VPS13B: variants seen among roughly 807,000 people sequenced by gnomAD.
The protein encoded by VPS13B is intermembrane lipid transfer protein VPS13B.
A neutral mutation model predicts 426.4 loss-of-function variants in VPS13B; 285 were observed. The ratio of observed to expected loss-of-function variants is 0.67; its 90% CI spans 0.61 to 0.74. The LOEUF is 0.74. VPS13B is among the 30% of genes least tolerant of loss of function. The pLI, the probability that VPS13B is intolerant of heterozygous loss-of-function variation, is 0.00. For missense variants in VPS13B, 4,537 were observed against 4,782.6 expected (o/e 0.95, Z 1.51); for synonymous variants, 1,676 against 1,676.4 (o/e 1.00, Z 0.01).
rs2133334366 is a variant in VPS13B, at chr8:99,400,745, A to C, written c.3082+9041A>C. 1.3e-5 allele frequency among the ~76,000 whole-genome samples: 2 copies of C among 152,272 alleles called. 1 individual carries two copies. Among genetic ancestry groups the C allele is most frequent in the South Asian group, 4.1e-4 (2 of 4,828 alleles). On this transcript the variant is annotated intron_variant, in intron 21 of 61. Transcript: ENST00000357162. ...GGAGTGCAGTGCGCAATCTCAGCTC[A>C]CTACAACCTCCACATCCCGAGTTCA...
intron 40 of VPS13B, among the ~76,000 whole-genome samples, chr8:99,774,048 TAGGTAAA>T: frequency 6.6e-6 from 1 of 152,234 alleles, no homozygotes; most frequent in East Asian, 1.9e-4. Context: ...TTTTAATCCT[TAGGTAAA>T]AGGTAAACAC....
At chr8:99,740,532 A>G (rs558385185) in intron 39 of VPS13B, among the ~76,000 whole-genome samples, 63 of 152,364 alleles carry the variant, frequency 4.1e-4, no homozygotes, top group Non-Finnish European at 8.4e-4. Context: ...CAGATTCACC[A>G]AAGTTGAAAC....
At chr8:99,629,298 A>G (rs1260241485) in intron 33 of VPS13B, among the ~76,000 whole-genome samples, 1 of 152,174 alleles carries the variant, frequency 6.6e-6, no homozygotes, top group East Asian at 1.9e-4. Context: ...TTAGGTTAGC[A>G]TTGTTATCAT....
intron 19 of VPS13B, among the ~76,000 whole-genome samples, chr8:99,305,171 A>G (rs1820570891): frequency 6.6e-6 from 1 of 152,132 alleles, no homozygotes; most frequent in Non-Finnish European, 1.5e-5. Flanking sequence ...TGTCCATTGT[A>G]TTTTGCTTCT....
At chr8:99,557,354 C>G (rs545739112) in intron 31 of VPS13B, among the ~76,000 whole-genome samples, 1 of 150,912 alleles carries the variant, frequency 6.6e-6, no homozygotes, top group Admixed American at 6.6e-5. Context: ...ACTTTGCATT[C>G]TCATAGCTTA....
intron 24 of VPS13B, among the ~76,000 whole-genome samples, chr8:99,470,487 T>C (rs563989343): frequency 6.6e-6 from 1 of 152,076 alleles, no homozygotes; most frequent in South Asian, 2.1e-4. Flanking sequence ...AACTAAAAAA[T>C]ACAGTACCTG....
At chr8:99,015,234 T>G (rs1841547506) in intron 2 of VPS13B, among the ~76,000 whole-genome samples, 1 of 150,142 alleles carries the variant, frequency 6.7e-6, no homozygotes. Flanking sequence ...TTTTTTTTTT[T>G]GAGACGGAGT....
intron 39 of VPS13B, among the ~76,000 whole-genome samples, chr8:99,725,478 C>G (rs1384213570): frequency 6.6e-6 from 1 of 152,160 alleles, no homozygotes; most frequent in East Asian, 1.9e-4. Context: ...CTAACCAATG[C>G]CTGATCATCT....
chr8:99,353,217 C>T (rs186284692), intron 19 of VPS13B, among the ~76,000 whole-genome samples: 35 of 152,264 alleles, frequency 2.3e-4, no homozygotes, highest in Middle Eastern at 3.4e-3. Flanking sequence ...CTCCTGATCT[C>T]AAGTGATCCA....
At chr8:99,453,275 G>A (rs1409379581) in intron 23 of VPS13B, among the ~76,000 whole-genome samples, 1 of 152,164 alleles carries the variant, frequency 6.6e-6, no homozygotes, top group Non-Finnish European at 1.5e-5. Flanking sequence ...GTGATGTACT[G>A]TTACAATTAT....
At chr8:99,749,549 A>T (rs979646172) in intron 39 of VPS13B, among the ~76,000 whole-genome samples, 1 of 151,886 alleles carries the variant, frequency 6.6e-6, no homozygotes, top group South Asian at 2.1e-4. Flanking sequence ...GGTTCCATCT[A>T]TGTTGTGGTA....
intron 19 of VPS13B, chr8:99,347,966 G>A (rs1449648678): frequency 6.6e-6 from 1 of 152,370 alleles, no homozygotes; most frequent in East Asian, 1.9e-4. Context: ...GATCACAGTG[G>A]ATGGTGGATG....
At chr8:99,111,381 T>G in intron 6 of VPS13B, 102 bp downstream of exon 6, 1 of 905,726 alleles carries the variant, frequency 1.1e-6, no homozygotes, top group Non-Finnish European at 1.7e-6. Context: ...ATTAACCTTG[T>G]AAATATGTAT....
chr8:99,808,962 TA>T lies in VPS13B; in HGVS notation c.7942-403del, dbSNP rs533228041. On this transcript the variant is annotated intron_variant, in intron 43 of 61. Transcript: ENST00000357162. ...GAAAAAAGGTATGACAATTGATGAT[TA>T]AAAAAAAAACCCACAAACCAAATTT... 3.0e-4 allele frequency among the ~76,000 whole-genome samples: 45 copies of T among 148,262 alleles called. No individual in the cohort carries two copies. In the South Asian group the frequency reaches 7.9e-3, roughly 26 times the overall value.
intron 40 of VPS13B, among the ~76,000 whole-genome samples, chr8:99,772,360 A>G (rs1811545563): frequency 6.6e-6 from 1 of 152,188 alleles, no homozygotes; most frequent in South Asian, 2.1e-4. Context: ...AAAATAGAAA[A>G]TAGTTTGAAA....
intron 41 of VPS13B, 75 bp downstream of exon 41, chr8:99,777,031 A>G: frequency 6.6e-7 from 1 of 1,513,984 alleles, no homozygotes; most frequent in Non-Finnish European, 9.2e-7. Flanking sequence ...TCAAAAGAGA[A>G]GTCAACAATC....
intron 2 of VPS13B, among the ~76,000 whole-genome samples, chr8:99,028,251 G>A (rs1352537415): frequency 6.6e-6 from 1 of 151,852 alleles, no homozygotes; most frequent in Non-Finnish European, 1.5e-5. Flanking sequence ...CGGGGTCGTG[G>A]CCGGGCAGAG....
intron 2 of VPS13B, among the ~76,000 whole-genome samples, chr8:99,014,760 G>C (rs1406311470): frequency 6.6e-6 from 1 of 151,212 alleles, no homozygotes; most frequent in Non-Finnish European, 1.5e-5. Flanking sequence ...GGCATCCTCA[G>C]AGTGTTGAGT....
chr8:99,646,201 A>C (rs970755757), intron 34 of VPS13B, among the ~76,000 whole-genome samples: 8 of 152,190 alleles, frequency 5.3e-5, no homozygotes, highest in Admixed American at 3.3e-4. Context: ...CACAGTGTTC[A>C]TATGTTTTCT....
Sources: gnomAD v4.1 joint callset for allele counts (sites outside exome capture counted in the v4.1 genomes callset) on GRCh38, gnomAD v4.1.1 for gene constraint, MANE v1.5 for transcripts, NCBI Gene and HGNC (gene_info 2026-07-23, HGNC 2026-07-21) for gene names.